The following ANK3 variants were observed in gnomAD, a reference collection of about 807,000 sequenced individuals.
ANK3 encodes ankyrin-3.
ANK3 carries 57 observed loss-of-function variants against 370.9 expected under a neutral mutation model. The observed-to-expected ratio is 0.15, with a 90% CI of 0.12 to 0.19. The LOEUF (loss-of-function observed/expected upper bound fraction) is 0.19, where lower values mean the gene tolerates loss of function less well. ANK3 is among the 10% of genes least tolerant of loss of function. The pLI is 1.00. For synonymous variants in ANK3, 1,929 were observed against 1,946.3 expected (o/e 0.99, Z 0.23); for missense variants, 4,439 against 5,302.1 (o/e 0.84, Z 5.06).
At chr10:60,590,670 G>A (rs1401604233) in intron 2 of ANK3, among the ~76,000 whole-genome samples, 2 of 152,192 alleles carry the variant, frequency 1.3e-5, no homozygotes, top group East Asian at 3.8e-4. Flanking sequence ...CCATTTAGTA[G>A]ACATGGACAT....
At chr10:60,690,537 T>A (rs937115024) in intron 1 of ANK3, among the ~76,000 whole-genome samples, 4 of 152,046 alleles carry the variant, frequency 2.6e-5, no homozygotes, top group African/African-American at 4.8e-5. Context: ...TAAAACTTAA[T>A]ACTTAATACT....
chr10:60,301,265 C>T (rs1232331336), intron 1 of ANK3, among the ~76,000 whole-genome samples: 3 of 148,432 alleles, frequency 2.0e-5, no homozygotes, highest in Non-Finnish European at 4.5e-5. Flanking sequence ...CACATGCACG[C>T]ACACATATAC....
chr10:60,393,305 T>A (rs1006021581), upstream of ANK3, among the ~76,000 whole-genome samples: 3 of 152,176 alleles, frequency 2.0e-5, no homozygotes, highest in Non-Finnish European at 4.4e-5. Flanking sequence ...AGTCTCAGTG[T>A]TTTCCCTGCT....
At chr10:60,174,551 A>G (rs564874469) in intron 18 of ANK3, among the ~76,000 whole-genome samples, 2 of 152,262 alleles carry the variant, frequency 1.3e-5, no homozygotes, top group South Asian at 4.1e-4. Context: ...TGATTGAAGT[A>G]ACATTATTTC....
At chr10:60,278,137 A>G (rs1592938665) in intron 4 of ANK3, among the ~76,000 whole-genome samples, 2 of 152,340 alleles carry the variant, frequency 1.3e-5, no homozygotes, top group South Asian at 4.1e-4. Flanking sequence ...ACCTATGTTC[A>G]TTACAAAGAA....
At chr10:60,657,347 G>T (rs185264934) in intron 1 of ANK3, among the ~76,000 whole-genome samples, 1 of 152,138 alleles carries the variant, frequency 6.6e-6, no homozygotes, top group Non-Finnish European at 1.5e-5. Flanking sequence ...ACAAGGTCTT[G>T]TTCTGTTGCC....
intron 1 of ANK3, among the ~76,000 whole-genome samples, chr10:60,325,453 C>T (rs1340178288): frequency 6.6e-6 from 1 of 152,170 alleles, no homozygotes; most frequent in African/African-American, 2.4e-5. Flanking sequence ...CCCTCCACCA[C>T]CAACCCAGGG....
At chr10:60,582,602 G>C (rs994605939) in intron 2 of ANK3, among the ~76,000 whole-genome samples, 1 of 151,056 alleles carries the variant, frequency 6.6e-6, no homozygotes, top group African/African-American at 2.4e-5. Context: ...TGTGGCTCTG[G>C]ACAAGCCACA....
chr10:60,285,012 A>G (rs1196352539), intron 1 of ANK3, among the ~76,000 whole-genome samples: 1 of 151,912 alleles, frequency 6.6e-6, no homozygotes, highest in East Asian at 1.9e-4. Flanking sequence ...GTTTCCTTCC[A>G]CTTTTCTACC....
At chr10:60,722,339 G>A (rs1207839864) in intron 1 of ANK3, among the ~76,000 whole-genome samples, 1 of 152,064 alleles carries the variant, frequency 6.6e-6, no homozygotes, top group Non-Finnish European at 1.5e-5. Context: ...ACCAGCTCAG[G>A]AGACTGAGGC....
At chr10:60,636,466 A>G (rs2078556323) in intron 1 of ANK3, among the ~76,000 whole-genome samples, 1 of 152,200 alleles carries the variant, frequency 6.6e-6, no homozygotes, top group African/African-American at 2.4e-5. Context: ...CTAACTTTGC[A>G]TCTGGTTTTT....
At chr10:60,638,240 T>C (rs1388304656) in intron 1 of ANK3, among the ~76,000 whole-genome samples, 3 of 152,166 alleles carry the variant, frequency 2.0e-5, no homozygotes, top group Non-Finnish European at 4.4e-5. Context: ...AAATAATTCA[T>C]GTTGCCATCA....
intron 28 of ANK3, among the ~76,000 whole-genome samples, chr10:60,090,049 G>A (rs2393598): frequency 0.23 from 35,378 of 152,002 alleles, 4,867 homozygotes; most frequent in East Asian, 0.57. Flanking sequence ...CTGGCCAGGC[G>A]TGGTGGCTCA....
intron 8 of ANK3, among the ~76,000 whole-genome samples, chr10:60,229,501 C>A (rs543489773): frequency 1.7e-3 from 262 of 152,180 alleles, no homozygotes; most frequent in African/African-American, 5.9e-3. Flanking sequence ...TAGTATTTAA[C>A]CTGAGAAACA....
intron 8 of ANK3, among the ~76,000 whole-genome samples, chr10:60,217,912 A>G (rs1268120029): frequency 2.6e-5 from 4 of 152,142 alleles, no homozygotes; most frequent in African/African-American, 9.7e-5. Flanking sequence ...GTCTCAAAGA[A>G]CTTGTTTTAT....
At chr10:60,061,214 T>A (rs915524457) in intron 40 of ANK3, among the ~76,000 whole-genome samples, 1 of 152,210 alleles carries the variant, frequency 6.6e-6, no homozygotes, top group African/African-American at 2.4e-5. Context: ...CAGACTCTTG[T>A]TGAAAAGCTG....
At position 60,270,175 on chromosome 10, in the gene ANK3, T is replaced by C; in HGVS notation, c.469A>G (p.Lys157Glu). Residue 157 changes from lysine to glutamate, a missense_variant, in exon 5 of 44, where the codon AAG becomes GAG. Physicochemically the swap from Lys to Glu is moderately conservative, Grantham distance 56. Coordinates refer to ENST00000280772, the MANE Select transcript of ANK3 (RefSeq NM_020987.5). ...CTTGCACCATTGTCAAGAAGAAACT[T>C]GACAACTTCCAGGTGATTTTCCTGG... ...AAQENHLEVV[K>E]FLLDNGASQS... The C allele has an allele frequency of 6.2e-7, 1 of 1,601,808 alleles. No individual in the cohort carries two copies. Among genetic ancestry groups the C allele is most frequent in the Admixed American group, 1.7e-5 (1 of 59,100 alleles).
intron 1 of ANK3, among the ~76,000 whole-genome samples, chr10:60,677,768 T>C (rs1482090889): frequency 7.5e-6 from 1 of 132,458 alleles, no homozygotes; most frequent in African/African-American, 2.9e-5. Flanking sequence ...CCCAAACTAA[T>C]CCTTTCTCAA....
intron 1 of ANK3, among the ~76,000 whole-genome samples, chr10:60,644,890 T>TAAAAAA (rs10686327): frequency 0.02 from 2,521 of 125,758 alleles, 52 homozygotes; most frequent in Admixed American, 0.045. Flanking sequence ...AGTTTTAGTT[T>TAAAAAA]AAAAAAAAAA....
Sources: allele counts gnomAD v4.1 joint callset (sites outside exome capture counted in the v4.1 genomes callset), GRCh38; gene constraint gnomAD v4.1.1; transcripts MANE v1.5; gene names NCBI Gene and HGNC (gene_info 2026-07-23, HGNC 2026-07-21).